CDH7: variants seen among roughly 807,000 people sequenced by gnomAD.
CDH7 encodes cadherin-7.
In CDH7, 25 loss-of-function variants were observed where a neutral mutation model predicts 71.8. The observed-to-expected ratio is 0.35, with a 90% CI of 0.25 to 0.49. CDH7 has a LOEUF of 0.49. CDH7 is among the 20% of genes least tolerant of loss of function. CDH7 has a pLI of 0.99. For missense variants in CDH7, 862 were observed against 974.6 expected (o/e 0.88, Z 1.54); for synonymous variants, 381 against 363.8 (o/e 1.05, Z -0.54).
Position 65,882,113 on chromosome 18 carries a change from A to G in CDH7, c.*1219A>G, listed in dbSNP as rs768270180. 2 of 152,162 alleles carry G rather than the reference A, an allele frequency of 1.3e-5. No homozygotes were observed. Among genetic ancestry groups the G allele is most frequent in the Non-Finnish European group, 2.9e-5 (2 of 67,992 alleles). The allele number at this position is 152,162 out of a possible 1,614,324, so 9.4% of individuals were successfully genotyped here. The stretch of plus-strand genomic sequence containing the variant: ...ATATTGAGTTTTTAAAAGTCTTAAT[A>G]TAATGTTATAAAAATTAAAATCCAT... On this transcript the variant is annotated 3_prime_UTR_variant, in exon 12 of 12. Transcript: ENST00000397968.
At chr18:65,855,974 G>T (rs1200036560) in intron 7 of CDH7, among the ~76,000 whole-genome samples, 1 of 150,920 alleles carries the variant, frequency 6.6e-6, no homozygotes, top group African/African-American at 2.4e-5. Context: ...AATTAAAGAA[G>T]AAAAAACACA....
intron 6 of CDH7, among the ~76,000 whole-genome samples, chr18:65,843,223 A>T (rs1912800908): frequency 2.0e-5 from 3 of 152,074 alleles, no homozygotes; most frequent in African/African-American, 7.2e-5. Flanking sequence ...TAAAATAGAG[A>T]TCTAGTATAT....
intron 6 of CDH7, among the ~76,000 whole-genome samples, chr18:65,827,702 G>A (rs1168323472): frequency 6.6e-6 from 1 of 151,764 alleles, no homozygotes; most frequent in Non-Finnish European, 1.5e-5. Context: ...TCTTAATGTG[G>A]AGAATATATA....
In CDH7 at chr18:65,782,098, CCT is replaced by C. The variant is rs1568182455; in HGVS notation, c.210+19047_210+19048del. Among the ~76,000 whole-genome samples, 48 of 51,404 alleles carry C rather than the reference CCT, an allele frequency of 9.3e-4. 11 individuals carry two copies. The highest frequency in any genetic ancestry group is 2.6e-3 in the African/African-American group (14 of 5,396). 33.7% of individuals were successfully genotyped at this position (51,404 alleles called of 152,430 possible). A position where few individuals can be genotyped will look rare whatever the true frequency, so the allele number is the denominator to read the frequency against. ...TCTTTCTTTCCTTCCTTCCTTCCTT[CCT>C]TCCTTCCTTCTTTCTTTCTTTCTTT... On this transcript the variant is annotated intron_variant, in intron 2 of 11. Coordinates refer to ENST00000397968, the MANE Select transcript of CDH7 (RefSeq NM_004361.5).
rs1599057101 is a variant in CDH7 at position 65,859,187 on chromosome 18, A to G, written c.1494+141A>G. 2.1e-5 allele frequency: 15 copies of G among 719,464 alleles called. 1 individual carries two copies. The highest frequency in any genetic ancestry group is 3.3e-5 in the Non-Finnish European group (14 of 430,452). The allele number at this position is 719,464 out of a possible 1,614,324, so 44.6% of individuals were successfully genotyped here. A position where few individuals can be genotyped will look rare whatever the true frequency, so the allele number is the denominator to read the frequency against. ...CAAAACTAACACTTTGATGTGTAGCATGAACTAATATTAAAGGAACCTTCA... is the reference window on the plus strand; with the variant it reads ...CAAAACTAACACTTTGATGTGTAGCGTGAACTAATATTAAAGGAACCTTCA... On this transcript the variant is annotated intron_variant, in intron 9 of 11. Coordinates refer to ENST00000397968, the MANE Select transcript of CDH7 (RefSeq NM_004361.5).
At chr18:65,779,036 C>G (rs1910072895) in intron 2 of CDH7, among the ~76,000 whole-genome samples, 1 of 148,354 alleles carries the variant, frequency 6.7e-6, no homozygotes, top group Non-Finnish European at 1.5e-5. Flanking sequence ...TAGCCCTTTG[C>G]TCTTCAGACA....
intron 5 of CDH7, among the ~76,000 whole-genome samples, chr18:65,823,611 G>C (rs1423238672): frequency 6.6e-6 from 1 of 151,624 alleles, no homozygotes; most frequent in Non-Finnish European, 1.5e-5. Flanking sequence ...ATGTGAAAGG[G>C]GTCACTCAAA....
In CDH7 at chr18:65,883,245, TA is replaced by T. The variant is rs941558398; in HGVS notation, c.*2357del. Reference sequence around the variant, plus strand: ...TATTTTTTAATTAAAAAAATTAATTTAAAAAATTAATTTTTGAGATGGCTGG... The same window carrying T: ...TATTTTTTAATTAAAAAAATTAATTTAAAAATTAATTTTTGAGATGGCTGG... On this transcript the variant is annotated 3_prime_UTR_variant, in exon 12 of 12. Coordinates refer to ENST00000397968, the MANE Select transcript of CDH7 (RefSeq NM_004361.5). 4.8e-4 allele frequency: 73 copies of T among 152,170 alleles called. No individual in the cohort carries two copies. Among genetic ancestry groups the T allele is most frequent in the African/African-American group, 1.7e-3 (70 of 41,548 alleles). The allele number at this position is 152,170 out of a possible 1,614,324, so 9.4% of individuals were successfully genotyped here.
intron 1 of CDH7, among the ~76,000 whole-genome samples, chr18:65,760,915 C>T (rs143870345): frequency 3.9e-5 from 6 of 152,266 alleles, no homozygotes; most frequent in South Asian, 2.1e-4. Flanking sequence ...GTTAGTCAGA[C>T]CTACCTACAA....
At chr18:65,820,763 C>G (rs1007337603) in intron 4 of CDH7, among the ~76,000 whole-genome samples, 1 of 152,058 alleles carries the variant, frequency 6.6e-6, no homozygotes, top group African/African-American at 2.4e-5. Flanking sequence ...CTTTGACTAC[C>G]AGACTTCTAT....
chr18:65,885,476 C>T lies in CDH7; in HGVS notation c.*4582C>T, dbSNP rs1914352260. On this transcript the variant is annotated 3_prime_UTR_variant, in exon 12 of 12. Coordinates refer to ENST00000397968, the MANE Select transcript of CDH7 (RefSeq NM_004361.5). Reference sequence around the variant, plus strand: ...CACTGCAAGCTCCGCCTCCAGGGTTCACACCGTTCTCCTGCCTCAACCTCC... The same window carrying T: ...CACTGCAAGCTCCGCCTCCAGGGTTTACACCGTTCTCCTGCCTCAACCTCC... 1 of 148,828 alleles carries T rather than the reference C, an allele frequency of 6.7e-6. No individual in the cohort carries two copies. The highest frequency in any genetic ancestry group is 1.5e-5 in the Non-Finnish European group (1 of 67,754). 9.2% of individuals were successfully genotyped at this position (148,828 alleles called of 1,614,324 possible). A position where few individuals can be genotyped will look rare whatever the true frequency, so the allele number is the denominator to read the frequency against.
At chr18:65,818,820 A>C (rs897250045) in intron 4 of CDH7, among the ~76,000 whole-genome samples, 1 of 152,122 alleles carries the variant, frequency 6.6e-6, no homozygotes, top group Admixed American at 6.5e-5. Flanking sequence ...CAGCCAAACT[A>C]CATGTATTTT....
At chr18:65,761,618 A>C in intron 1 of CDH7, among the ~76,000 whole-genome samples, 1 of 152,038 alleles carries the variant, frequency 6.6e-6, no homozygotes, top group East Asian at 1.9e-4. Flanking sequence ...TAGGAAGTAA[A>C]ATGAATTCAT....
chr18:65,764,370 A>G (rs911238941), intron 2 of CDH7, among the ~76,000 whole-genome samples: 8 of 152,038 alleles, frequency 5.3e-5, no homozygotes, highest in Non-Finnish European at 1.2e-4. Flanking sequence ...TTTTTGGTCC[A>G]GTTACAGCAT....
intron 11 of CDH7, chr18:65,866,301 AAAAAAAAAAAAAAC>A (rs1913751157): frequency 4.1e-4 from 1 of 2,422 alleles, no homozygotes; most frequent in Admixed American, 9.4e-3. Flanking sequence ...TCCGTCTCAA[AAAAAAAAAAAAAAC>A]AAAAAAAAAA....
chr18:65,768,488 G>A (rs1484887985), intron 2 of CDH7, among the ~76,000 whole-genome samples: 9 of 152,028 alleles, frequency 5.9e-5, no homozygotes, highest in Non-Finnish European at 1.2e-4. Context: ...TGCCCGCCTC[G>A]GCCTCCCAAA....
At chr18:65,863,493 T>G (rs935431200) in intron 11 of CDH7, 1 of 158,776 alleles carries the variant, frequency 6.3e-6, no homozygotes, top group Non-Finnish European at 1.4e-5. Flanking sequence ...TTTTTAGGAT[T>G]AAAAATAATC....
At chr18:65,773,826 G>A (rs999919414) in intron 2 of CDH7, among the ~76,000 whole-genome samples, 4 of 152,184 alleles carry the variant, frequency 2.6e-5, no homozygotes, top group East Asian at 1.9e-4. Flanking sequence ...GAAACCATGA[G>A]CATTGCTGTG....
chr18:65,843,729 T>C, intron 6 of CDH7, 83 bp from the exon 7 acceptor site: 1 of 1,279,024 alleles, frequency 7.8e-7, no homozygotes, highest in African/African-American at 1.5e-5. Context: ...CTTCCTAAGC[T>C]TATTGACATT....
Sources: allele counts gnomAD v4.1 joint callset (sites outside exome capture counted in the v4.1 genomes callset), GRCh38; gene constraint gnomAD v4.1.1; transcripts MANE v1.5; gene names NCBI Gene and HGNC (gene_info 2026-07-23, HGNC 2026-07-21).